The following CDH6 variants were observed in gnomAD, a reference collection of about 807,000 sequenced individuals.
CDH6 encodes the protein cadherin 6, also known as cadherin-6.
A neutral mutation model predicts 78.0 loss-of-function variants in CDH6; 31 were observed. The ratio of observed to expected loss-of-function variants is 0.40; its 90% confidence interval spans 0.30 to 0.54. CDH6 has a LOEUF of 0.54. CDH6 is among the 20% of genes least tolerant of loss of function. The probability of loss-of-function intolerance (pLI) is 0.56; values close to 1 mark genes in which losing one functional copy is unlikely to be tolerated. For synonymous variants in CDH6, 376 were observed against 368.8 expected, an observed-to-expected ratio of 1.02 and a Z score of -0.23; for missense variants, 724 against 975.9, an observed-to-expected ratio of 0.74 and a Z score of 3.44.
intron 1 of CDH6, among the ~76,000 whole-genome samples, chr5:31,236,652 G>A (rs73758186): frequency 0.012 from 1,885 of 152,232 alleles, 41 homozygotes; most frequent in African/African-American, 0.042. Flanking sequence ...TTAAAAAAAA[G>A]GAGGGCTCTG....
At chr5:31,276,516 G>A (rs74822975) in intron 2 of CDH6, among the ~76,000 whole-genome samples, 2,554 of 152,166 alleles carry the variant, frequency 0.017, 70 homozygotes, top group African/African-American at 0.058. Flanking sequence ...CAGTGATAAG[G>A]GCATAATAAA....
chr5:31,209,457 A>G (rs1740631301), intron 1 of CDH6, among the ~76,000 whole-genome samples: 3 of 152,208 alleles, frequency 2.0e-5, no homozygotes, highest in African/African-American at 7.2e-5. Context: ...AATGAGAAGT[A>G]GAGAGTTAAA....
intron 1 of CDH6, among the ~76,000 whole-genome samples, chr5:31,201,067 A>G (rs1740337333): frequency 6.6e-6 from 1 of 152,058 alleles, no homozygotes; most frequent in Admixed American, 6.6e-5. Context: ...TAGTTGTTGA[A>G]TGTTATTGCT....
rs1738654927 is a variant in CDH6 at position 31,328,052 on chromosome 5, A to G, written c.*4744A>G. The stretch of plus-strand genomic sequence containing the variant: ...AGAGCCGGCAGATGAAAGTGTTGAA[A>G]AGAGGTCAAATGGAAACAAAGGCTC... On this transcript the variant is annotated 3_prime_UTR_variant, in exon 12 of 12. Transcript: ENST00000265071. 2.7e-5 allele frequency: 6 copies of G among 219,206 alleles called. No individual in the cohort carries two copies. The East Asian group carries it at 4.0e-4, about 15-fold the overall frequency. The allele number at this position is 219,206 out of a possible 1,614,324, so 13.6% of individuals were successfully genotyped here.
intron 5 of CDH6, among the ~76,000 whole-genome samples, chr5:31,300,082 T>C (rs556922800): frequency 1.1e-4 from 17 of 152,376 alleles, no homozygotes; most frequent in Middle Eastern, 3.4e-3. Flanking sequence ...TGGAAGTAAC[T>C]AGGTACTTAA....
chr5:31,299,668 C>T, intron 5 of CDH6, 37 bp downstream of exon 5: 1 of 1,546,314 alleles, frequency 6.5e-7, no homozygotes, highest in Non-Finnish European at 8.9e-7. Context: ...CTTCAATGTG[C>T]TTTTATAAAA....
intron 7 of CDH6, among the ~76,000 whole-genome samples, chr5:31,312,376 A>G (rs1417926539): frequency 1.3e-5 from 2 of 152,196 alleles, no homozygotes; most frequent in Non-Finnish European, 2.9e-5. Context: ...TTTATTAACA[A>G]TGATTTAGAT....
chr5:31,311,889 A>T (rs896038091), intron 7 of CDH6, among the ~76,000 whole-genome samples: 1 of 152,220 alleles, frequency 6.6e-6, no homozygotes, highest in Non-Finnish European at 1.5e-5. Context: ...GCCAAACCAT[A>T]TCACATAGCT....
At chr5:31,285,774 G>T (rs559635836) in intron 2 of CDH6, among the ~76,000 whole-genome samples, 19 of 152,308 alleles carry the variant, frequency 1.2e-4, no homozygotes, top group East Asian at 1.2e-3. Context: ...GATGGTCAAT[G>T]AATTCAATGT....
chr5:31,232,547 A>G (rs1287216623), intron 1 of CDH6, among the ~76,000 whole-genome samples: 1 of 152,226 alleles, frequency 6.6e-6, no homozygotes, highest in Non-Finnish European at 1.5e-5. Context: ...GGTCCAGGAC[A>G]GGAGTATTTA....
intron 1 of CDH6, among the ~76,000 whole-genome samples, chr5:31,207,196 G>C (rs1456968472): frequency 6.6e-6 from 1 of 152,176 alleles, no homozygotes; most frequent in Admixed American, 6.5e-5. Flanking sequence ...ATGAGGTGCA[G>C]TATGTGGTCA....
Position 31,302,279 on chromosome 5 carries a change from G to T in CDH6, c.980G>T (p.Gly327Val). 2.5e-6 allele frequency: 4 copies of T among 1,611,398 alleles called. No homozygotes were observed. The highest frequency in any genetic ancestry group is 3.4e-6 in the Non-Finnish European group (4 of 1,178,020). Residue 327 changes from glycine to valine, a missense_variant, in exon 6 of 12, where the codon GGG becomes GTG. Around this residue, in one of 3 missense-constraint regions of CDH6, gnomAD observed 446 missense variants for 684.5 expected, o/e 0.65. Transcript: ENST00000265071. ...ATCACCGACCAGGAAACCCAGGAAG[G>T]GATTATAACTGTCAAAAAGGTAATG... ...DVITDQETQEGIITVKKLLDF... is the reference protein window; with the variant it reads ...DVITDQETQEVIITVKKLLDF...
At chr5:31,210,883 G>C (rs780158456) in intron 1 of CDH6, among the ~76,000 whole-genome samples, 1 of 152,124 alleles carries the variant, frequency 6.6e-6, no homozygotes, top group African/African-American at 2.4e-5. Flanking sequence ...CACAGATACA[G>C]AGGGCCAACT....
chr5:31,273,667 A>G (rs1037091798), intron 2 of CDH6, among the ~76,000 whole-genome samples: 1 of 152,208 alleles, frequency 6.6e-6, no homozygotes, highest in African/African-American at 2.4e-5. Flanking sequence ...TTGGTGTTCA[A>G]TGATTGCATT....
intron 1 of CDH6, among the ~76,000 whole-genome samples, chr5:31,225,155 C>T (rs1324029019): frequency 2.0e-5 from 3 of 152,160 alleles, no homozygotes; most frequent in Non-Finnish European, 2.9e-5. Context: ...CCCTGTTTTA[C>T]GGAGTTGTCC....
At chr5:31,278,062 G>A (rs188347560) in intron 2 of CDH6, among the ~76,000 whole-genome samples, 1 of 152,090 alleles carries the variant, frequency 6.6e-6, no homozygotes, top group African/African-American at 2.4e-5. Flanking sequence ...CCAATTTTAA[G>A]TATACAGTAT....
chr5:31,266,084 G>A (rs1048628544), intron 1 of CDH6, among the ~76,000 whole-genome samples: 3 of 151,976 alleles, frequency 2.0e-5, no homozygotes, highest in African/African-American at 7.2e-5. Context: ...GCAAGACAAT[G>A]TTTTTTCTAT....
intron 1 of CDH6, among the ~76,000 whole-genome samples, chr5:31,229,954 T>G (rs142024703): frequency 2.6e-3 from 391 of 152,318 alleles, no homozygotes; most frequent in African/African-American, 9.0e-3. Flanking sequence ...GTCATCTGTT[T>G]CATAATTAAA....
At chr5:31,199,688 T>C (rs1364050133) in intron 1 of CDH6, among the ~76,000 whole-genome samples, 2 of 119,328 alleles carry the variant, frequency 1.7e-5, no homozygotes, top group African/African-American at 3.7e-5. Context: ...TGTGTGTGTA[T>C]ATATATATAT....
Sources: gnomAD v4.1 joint callset for allele counts (sites outside exome capture counted in the v4.1 genomes callset) on GRCh38, gnomAD v4.1.1 for gene constraint, gnomAD v4.1.1 regional missense constraint, MANE v1.5 for transcripts, NCBI Gene and HGNC (gene_info 2026-07-23, HGNC 2026-07-21) for gene names.